PAWR: variants seen among roughly 807,000 people sequenced by gnomAD.
The protein encoded by PAWR is PRKC apoptosis WT1 regulator protein.
PAWR carries 23 observed loss-of-function variants against 32.0 expected under a neutral mutation model. That is an observed-to-expected ratio of 0.72 (90% CI 0.52 to 1.02). The LOEUF is 1.02. Ranked by LOEUF, PAWR falls within the 50% of genes least tolerant of loss-of-function variation. PAWR has a pLI of 0.00. For missense variants in PAWR, 457 were observed against 437.7 expected (o/e 1.04, Z -0.39); for synonymous variants, 226 against 187.1 (o/e 1.21, Z -1.70).
intron 2 of PAWR, among the ~76,000 whole-genome samples, chr12:79,637,661 T>G (rs1190259741): frequency 6.6e-6 from 1 of 152,082 alleles, no homozygotes; most frequent in African/African-American, 2.4e-5. Flanking sequence ...AGAAACGTAT[T>G]AATCTATGTT....
At chr12:79,624,828 G>A (rs1020546069) in intron 2 of PAWR, among the ~76,000 whole-genome samples, 1 of 152,084 alleles carries the variant, frequency 6.6e-6, no homozygotes, top group African/African-American at 2.4e-5. Context: ...TTTAATCAGA[G>A]CTTTATTGAT....
At chr12:79,661,906 A>G (rs1454056273) in intron 2 of PAWR, among the ~76,000 whole-genome samples, 1 of 152,162 alleles carries the variant, frequency 6.6e-6, no homozygotes, top group African/African-American at 2.4e-5. Context: ...AAAAGTAACA[A>G]AAAGTAAAAA....
At chr12:79,618,993 TG>T (rs1407691290) in intron 3 of PAWR, among the ~76,000 whole-genome samples, 1 of 151,912 alleles carries the variant, frequency 6.6e-6, no homozygotes, top group Non-Finnish European at 1.5e-5. Context: ...GGTCAACCCA[TG>T]GGTATTAATA....
At chr12:79,617,661 A>T (rs535880638) in intron 3 of PAWR, among the ~76,000 whole-genome samples, 84 of 152,302 alleles carry the variant, frequency 5.5e-4, no homozygotes, top group Non-Finnish European at 2.9e-5. Context: ...GCACAAAGTG[A>T]TATTTTTATT....
chr12:79,636,965 T>G (rs1294014145), intron 2 of PAWR, among the ~76,000 whole-genome samples: 2 of 152,094 alleles, frequency 1.3e-5, no homozygotes, highest in Non-Finnish European at 2.9e-5. Flanking sequence ...AAGGAAAATA[T>G]GACAACTTTT....
rs777931634 is a variant in PAWR, at chr12:79,604,683, G to C, written c.684-8025C>G. On this transcript the variant is annotated intron_variant, in intron 4 of 6. Coordinates refer to ENST00000328827, the MANE Select transcript of PAWR (RefSeq NM_002583.4). Reference sequence around the variant, plus strand: ...TCACCCTCCAACACTCCCACTCCTCGTAACAGCTCCTTGCTCTGTGTAGGG... The same window carrying C: ...TCACCCTCCAACACTCCCACTCCTCCTAACAGCTCCTTGCTCTGTGTAGGG... 5.4e-6 allele frequency: 7 copies of C among 1,288,200 alleles called. No individual in the cohort carries two copies. In the East Asian group the frequency reaches 3.3e-4, roughly 61 times the overall value. The allele number at this position is 1,288,200 out of a possible 1,614,324, so 79.8% of individuals were successfully genotyped here. A position where few individuals can be genotyped will look rare whatever the true frequency, so the allele number is the denominator to read the frequency against.
rs188874543 is a variant in PAWR at position 79,587,981 on chromosome 12, T to G, written c.*4626A>C. The G allele has an allele frequency of 3.9e-5, 6 of 152,172 alleles. No homozygotes were observed. Among genetic ancestry groups the G allele is most frequent in the African/African-American group, 1.4e-4 (6 of 41,574 alleles). 9.4% of individuals were successfully genotyped at this position (152,172 alleles called of 1,614,324 possible). ...TCCACAAATATTTGGATTACCTGAA[T>G]TAGCTGATTCTTCAGCAAAAGTTAA... On this transcript the variant is annotated 3_prime_UTR_variant, in exon 7 of 7. Transcript: ENST00000328827.
chr12:79,661,600 TTA>T (rs1592539472), intron 2 of PAWR, among the ~76,000 whole-genome samples: 1 of 152,210 alleles, frequency 6.6e-6, no homozygotes, highest in South Asian at 2.1e-4. Context: ...CTCAAAAATT[TTA>T]TGTTAGTAAC....
At chr12:79,673,132 T>C (rs1328175908) in intron 2 of PAWR, among the ~76,000 whole-genome samples, 1 of 152,124 alleles carries the variant, frequency 6.6e-6, no homozygotes, top group Non-Finnish European at 1.5e-5. Flanking sequence ...TGCAGTGGTG[T>C]GATCTTGGCT....
intron 1 of PAWR, 25 bp from the exon 2 acceptor site, chr12:79,690,416 G>C: frequency 7.7e-7 from 1 of 1,298,820 alleles, no homozygotes; most frequent in Non-Finnish European, 9.9e-7. Flanking sequence ...AAAAGGGGGC[G>C]GGTAAGGGAA....
chr12:79,687,125 T>C (rs1236091975), intron 2 of PAWR, among the ~76,000 whole-genome samples: 1 of 152,222 alleles, frequency 6.6e-6, no homozygotes, highest in African/African-American at 2.4e-5. Context: ...GATATTTTTC[T>C]TAAAACTCTT....
chr12:79,682,982 T>G (rs1565706195), intron 2 of PAWR, among the ~76,000 whole-genome samples: 1 of 152,222 alleles, frequency 6.6e-6, no homozygotes, highest in African/African-American at 2.4e-5. Flanking sequence ...GTATATGCTT[T>G]CACTTAAAGA....
chr12:79,615,877 T>C (rs773538712), intron 3 of PAWR, among the ~76,000 whole-genome samples: 4 of 151,718 alleles, frequency 2.6e-5, no homozygotes, highest in Admixed American at 6.6e-5. Flanking sequence ...GGCAACATGG[T>C]GAAACTCTTA....
intron 2 of PAWR, among the ~76,000 whole-genome samples, chr12:79,682,863 T>G (rs1306503952): frequency 1.3e-5 from 2 of 152,206 alleles, no homozygotes; most frequent in Non-Finnish European, 2.9e-5. Flanking sequence ...CATGTAAGAT[T>G]TGTAATCAAT....
intron 2 of PAWR, among the ~76,000 whole-genome samples, chr12:79,631,114 A>C (rs1355560860): frequency 6.6e-6 from 1 of 152,170 alleles, no homozygotes; most frequent in Non-Finnish European, 1.5e-5. Context: ...ATAAACCCTC[A>C]TGCCAATAAA....
intron 2 of PAWR, among the ~76,000 whole-genome samples, chr12:79,637,773 T>C (rs1331794612): frequency 6.6e-6 from 1 of 151,884 alleles, no homozygotes; most frequent in Non-Finnish European, 1.5e-5. Flanking sequence ...ACTGAGTAAA[T>C]TTAAAACGTA....
At chr12:79,669,068 C>A (rs1420507090) in intron 2 of PAWR, among the ~76,000 whole-genome samples, 2 of 152,158 alleles carry the variant, frequency 1.3e-5, no homozygotes, top group African/African-American at 2.4e-5. Context: ...TGTTCAGATA[C>A]ATCAAAGATT....
chr12:79,690,204 C>A lies in PAWR; in HGVS notation c.41G>T (p.Gly14Val), dbSNP rs867216539. 6.5e-7 allele frequency: 1 copy of A among 1,529,550 alleles called. No homozygotes were observed. Among genetic ancestry groups the A allele is most frequent in the Non-Finnish European group, 8.8e-7 (1 of 1,142,430 alleles). 94.7% of individuals were successfully genotyped at this position (1,529,550 alleles called of 1,614,324 possible). The change falls in exon 2 of 7, where the codon GGC becomes GTC. Residue 14 changes from glycine (G) to valine (V), a missense_variant. Gly to Val is a moderately radical substitution (Grantham distance 109). Coordinates refer to ENST00000328827, the MANE Select transcript of PAWR (RefSeq NM_002583.4). ...GGYRTSSGLG[G>V]STTDFLEEWK... ...CTCCTCCAGGAAGTCTGTGGTGCTGCCGCCGAGGCCGCTGCTGGTCCGGTA... is the reference window on the plus strand; with the variant it reads ...CTCCTCCAGGAAGTCTGTGGTGCTGACGCCGAGGCCGCTGCTGGTCCGGTA...
chr12:79,690,199 T>C lies in PAWR; in HGVS notation c.46A>G (p.Thr16Ala). 1 of 1,531,608 alleles carries C rather than the reference T, an allele frequency of 6.5e-7. No individual in the cohort carries two copies. Among genetic ancestry groups the C allele is most frequent in the Non-Finnish European group, 8.7e-7 (1 of 1,143,248 alleles). 94.9% of individuals were successfully genotyped at this position (1,531,608 alleles called of 1,614,324 possible). A position where few individuals can be genotyped will look rare whatever the true frequency, so the allele number is the denominator to read the frequency against. ...TTCCACTCCTCCAGGAAGTCTGTGG[T>C]GCTGCCGCCGAGGCCGCTGCTGGTC... The part of the protein sequence containing the change: ...YRTSSGLGGS[T>A]TDFLEEWKAK... Residue 16 changes from threonine to alanine, a missense_variant, in exon 2 of 7, where the codon ACC becomes GCC. By Grantham distance (58) the Thr-to-Ala change is moderately conservative. Transcript: ENST00000328827.
Sources: allele counts gnomAD v4.1 joint callset (sites outside exome capture counted in the v4.1 genomes callset), GRCh38; gene constraint gnomAD v4.1.1; transcripts MANE v1.5; gene names NCBI Gene and HGNC (gene_info 2026-07-23, HGNC 2026-07-21).